Variants in PSD3 observed in about 807,000 individuals in gnomAD.
PSD3 encodes PH and SEC7 domain-containing protein 3.
A neutral mutation model predicts 105.5 loss-of-function variants in PSD3; 49 were observed. That is an observed-to-expected ratio of 0.46 (90% CI 0.37 to 0.59). PSD3 has a LOEUF of 0.59. PSD3 is among the 20% of genes least tolerant of loss of function. The probability of loss-of-function intolerance (pLI) is 0.00; values close to 1 mark genes in which losing one functional copy is unlikely to be tolerated. For synonymous variants in PSD3, 557 were observed against 457.8 expected, an observed-to-expected ratio of 1.22 and a Z score of -2.77; for missense variants, 1,561 against 1,263.8, an observed-to-expected ratio of 1.24 and a Z score of -3.57.
At chr8:19,021,741 C>T (rs1005703111) in intron 1 of PSD3, among the ~76,000 whole-genome samples, 4 of 152,168 alleles carry the variant, frequency 2.6e-5, no homozygotes, top group Non-Finnish European at 5.9e-5. Flanking sequence ...TTTGCAGGCC[C>T]AGTTATTCAG....
At chr8:18,658,728 A>G (rs1156265659) in intron 9 of PSD3, among the ~76,000 whole-genome samples, 1 of 152,096 alleles carries the variant, frequency 6.6e-6, no homozygotes, top group African/African-American at 2.4e-5. Context: ...AGATTAGTTA[A>G]GATTTCTTTT....
chr8:18,939,187 G>A (rs1339186610), intron 1 of PSD3, among the ~76,000 whole-genome samples: 7 of 152,192 alleles, frequency 4.6e-5, no homozygotes, highest in Admixed American at 4.6e-4. Context: ...GGTTCCCCTT[G>A]AGCAAGGATT....
In PSD3 at chr8:18,540,536, C is replaced by G. The variant is rs551242289; in HGVS notation, c.2929-4578G>C. ...TTTGCTCCTTCACTCTTCTTTTTCT[C>G]TAATGTCTCACATCCTTTCAGTCAG... On this transcript the variant is annotated intron_variant, in intron 15 of 15. Coordinates refer to ENST00000327040, the MANE Select transcript of PSD3 (RefSeq NM_015310.4). Among the ~76,000 whole-genome samples the G allele has an allele frequency of 3.9e-5, 6 of 152,260 alleles. No homozygotes were observed. The South Asian group carries it at 1.2e-3, about 32-fold the overall frequency.
intron 8 of PSD3, among the ~76,000 whole-genome samples, chr8:18,787,946 G>C (rs1346738810): frequency 3.3e-5 from 5 of 152,196 alleles, no homozygotes; most frequent in African/African-American, 1.2e-4. Context: ...TAAAGGACCA[G>C]AGAGTAAATA....
chr8:18,947,571 G>C (rs951313859), intron 1 of PSD3, among the ~76,000 whole-genome samples: 1 of 152,154 alleles, frequency 6.6e-6, no homozygotes, highest in Admixed American at 6.5e-5. Flanking sequence ...GTGGCGGGGG[G>C]CCCAGAGCAG....
intron 9 of PSD3, chr8:18,733,688 G>A (rs1304073288): frequency 6.6e-6 from 1 of 152,564 alleles, no homozygotes; most frequent in African/African-American, 2.4e-5. Context: ...CTCACGTCCT[G>A]GTTTATCATC....
intron 8 of PSD3, chr8:18,775,086 C>G (rs1026698887): frequency 2.5e-6 from 1 of 400,476 alleles, no homozygotes; most frequent in Non-Finnish European, 5.0e-6. Context: ...TTAAGCCCCC[C>G]CAAGTTTGAG....
intron 4 of PSD3, among the ~76,000 whole-genome samples, chr8:18,830,227 C>A (rs1274592896): frequency 6.6e-6 from 1 of 152,202 alleles, no homozygotes; most frequent in Non-Finnish European, 1.5e-5. Flanking sequence ...CAGGTGTGAG[C>A]CACCGCACCC....
At chr8:18,861,090 A>C (rs1816401463) in intron 4 of PSD3, among the ~76,000 whole-genome samples, 1 of 152,152 alleles carries the variant, frequency 6.6e-6, no homozygotes, top group African/African-American at 2.4e-5. Context: ...GTCATCACTA[A>C]TTTATAAAAG....
Position 18,980,646 on chromosome 8 carries a change from T to C in PSD3, c.21+32917A>G, listed in dbSNP as rs76958432. The stretch of plus-strand genomic sequence containing the variant: ...TGCCTCTTTTTGACTTAGTTTTGTT[T>C]TTATTTTTCCCTCTCTCCCTCCACA... On this transcript the variant is annotated intron_variant, in intron 1 of 15. Transcript: ENST00000327040. Among the ~76,000 whole-genome samples the C allele has an allele frequency of 3.7e-3, 568 of 152,270 alleles. 3 individuals are homozygous for C. The highest frequency in any genetic ancestry group is 7.0e-3 in the Non-Finnish European group (478 of 68,022).
intron 1 of PSD3, among the ~76,000 whole-genome samples, chr8:19,079,891 CTTTTT>C (rs11462511): frequency 7.3e-6 from 1 of 136,536 alleles, no homozygotes; most frequent in Non-Finnish European, 1.6e-5. Flanking sequence ...AAGAAAATAG[CTTTTT>C]TTTTTTTTTT....
intron 1 of PSD3, among the ~76,000 whole-genome samples, chr8:18,945,475 C>T (rs1451875908): frequency 6.6e-6 from 1 of 152,154 alleles, no homozygotes; most frequent in Non-Finnish European, 1.5e-5. Context: ...AACAGATTAT[C>T]CTCTGGCACC....
intron 1 of PSD3, among the ~76,000 whole-genome samples, chr8:19,045,621 C>T (rs544268887): frequency 6.6e-6 from 1 of 152,164 alleles, no homozygotes; most frequent in Non-Finnish European, 1.5e-5. Context: ...GATCTCTTTA[C>T]AGAATGATAG....
chr8:18,912,998 T>C (rs1002078812), intron 2 of PSD3, among the ~76,000 whole-genome samples: 1 of 151,690 alleles, frequency 6.6e-6, no homozygotes, highest in Middle Eastern at 3.2e-3. Context: ...GGCCACCATC[T>C]ACCCTGAGTA....
At chr8:18,572,416 C>A in intron 14 of PSD3, 112 bp downstream of exon 14, 3 of 1,316,170 alleles carry the variant, frequency 2.3e-6, no homozygotes, top group Non-Finnish European at 3.2e-6. Context: ...TCTCACAGGG[C>A]AAGGTCTCAC....
chr8:18,736,035 T>A (rs1447016800), intron 9 of PSD3, among the ~76,000 whole-genome samples: 4 of 152,184 alleles, frequency 2.6e-5, no homozygotes, highest in African/African-American at 9.6e-5. Context: ...TTATGGAAAG[T>A]AGCTTCTGAC....
chr8:18,887,051 G>C (rs1818494266), intron 2 of PSD3: 1 of 152,278 alleles, frequency 6.6e-6, no homozygotes, highest in African/African-American at 2.4e-5. Flanking sequence ...GCAGCAGGAA[G>C]CCCAGCAAAG....
chr8:18,716,219 A>G (rs1457539317), intron 9 of PSD3, among the ~76,000 whole-genome samples: 3 of 152,192 alleles, frequency 2.0e-5, no homozygotes, highest in Non-Finnish European at 4.4e-5. Flanking sequence ...TGTCTACGAA[A>G]CACGCCCACA....
chr8:18,962,070 A>C (rs1269386038), intron 1 of PSD3, among the ~76,000 whole-genome samples: 1 of 152,102 alleles, frequency 6.6e-6, no homozygotes, highest in African/African-American at 2.4e-5. Flanking sequence ...ACATGGTAAA[A>C]TCCCATCTCA....
Sources: gnomAD v4.1 joint callset for allele counts (sites outside exome capture counted in the v4.1 genomes callset) on GRCh38, gnomAD v4.1.1 for gene constraint, MANE v1.5 for transcripts, NCBI Gene and HGNC (gene_info 2026-07-23, HGNC 2026-07-21) for gene names.